PPID: variants seen among roughly 807,000 people sequenced by gnomAD.
The protein encoded by PPID is peptidyl-prolyl cis-trans isomerase D.
PPID carries 47 observed loss-of-function variants against 48.1 expected under a neutral mutation model. The observed-to-expected ratio is 0.98, with a 90% CI of 0.77 to 1.25. The LOEUF is 1.25. PPID is among the 50% of genes most tolerant of loss of function. The pLI, the probability that PPID is intolerant of heterozygous loss-of-function variation, is 0.00. For missense variants in PPID, 429 were observed against 443.5 expected (o/e 0.97, Z 0.29); for synonymous variants, 163 against 148.8 (o/e 1.10, Z -0.69).
intron 1 of PPID, among the ~76,000 whole-genome samples, chr4:158,721,849 T>G (rs1038635464): frequency 6.6e-6 from 1 of 152,242 alleles, no homozygotes; most frequent in South Asian, 2.1e-4. Flanking sequence ...TGTAACATAA[T>G]GTCCTCCATA....
Position 158,717,130 on chromosome 4 carries a change from G to A in PPID, c.404C>T (p.Thr135Ile), listed in dbSNP as rs761099901. Residue 135 changes from threonine to isoleucine, a missense_variant, in exon 4 of 10, where the codon ACA (threonine) becomes ATA (isoleucine). Transcript: ENST00000307720. ...RNTNGSQFFITTVPTPHLDGK... is the reference protein window; with the variant it reads ...RNTNGSQFFIITVPTPHLDGK... The stretch of plus-strand genomic sequence containing the variant: ...ATCCAAATGAGGAGTTGGAACTGTT[G>A]TGATAAAAAACTGAGAACCGTTTGT... 6.2e-7 allele frequency: 1 copy of A among 1,614,038 alleles called. No individual in the cohort carries two copies. Among genetic ancestry groups the A allele is most frequent in the Non-Finnish European group, 8.5e-7 (1 of 1,179,958 alleles).
intron 9 of PPID, 167 bp from the exon 10 acceptor site, chr4:158,709,991 G>T (rs544682984): frequency 5.1e-6 from 3 of 593,480 alleles, no homozygotes; most frequent in African/African-American, 1.9e-5. Context: ...GAAATGAAAC[G>T]TAATTTTAGA....
At position 158,717,013 on chromosome 4, in the gene PPID, T is replaced by G. The variant is rs1414716231; in HGVS notation, c.521A>C (p.Lys174Thr). 6.2e-7 allele frequency: 1 copy of G among 1,609,334 alleles called. No homozygotes were observed. The highest frequency in any genetic ancestry group is 1.3e-5 in the African/African-American group (1 of 74,894). The change falls in exon 4 of 10, where the codon AAA (lysine) becomes ACA (threonine). Residue 174 changes from lysine to threonine, a missense_variant and splice_region_variant. Coordinates refer to ENST00000307720, the MANE Select transcript of PPID (RefSeq NM_005038.3). ...NVEVKGEKPA[K>T]LCVIAECGEL... ...ATTTCACTGTAACTTTTTACTTACT[T>G]TAGCAGGTTTTTCACCTTTCACTTC... is the stretch of plus-strand genomic sequence containing the variant.
chr4:158,719,494 G>A (rs1450027500), intron 2 of PPID, among the ~76,000 whole-genome samples: 1 of 152,142 alleles, frequency 6.6e-6, no homozygotes. Context: ...CCTGATCCCT[G>A]CTAACATTCA....
At chr4:158,710,996 G>T in intron 7 of PPID, 148 bp from the exon 8 acceptor site, 1 of 706,962 alleles carries the variant, frequency 1.4e-6, no homozygotes, top group Non-Finnish European at 2.3e-6. Flanking sequence ...TCTGCCAGTG[G>T]GCACTAAGTT....
At chr4:158,718,415 G>A (rs980609838) in intron 3 of PPID, among the ~76,000 whole-genome samples, 1 of 152,134 alleles carries the variant, frequency 6.6e-6, no homozygotes, top group African/African-American at 2.4e-5. Flanking sequence ...TGTTATACAA[G>A]CAAGGATATT....
At chr4:158,713,043 G>A (rs1774814634) in intron 7 of PPID, 76 bp downstream of exon 7, 1 of 1,423,000 alleles carries the variant, frequency 7.0e-7, no homozygotes. Context: ...ATATATTAAT[G>A]TATATAAAAG....
In PPID at chr4:158,723,326, T is replaced by C. The variant is rs1320848960; in HGVS notation, c.-38A>G. 1 of 1,593,284 alleles carries C rather than the reference T, an allele frequency of 6.3e-7. No individual in the cohort carries two copies. Among genetic ancestry groups the C allele is most frequent in the African/African-American group, 1.3e-5 (1 of 74,244 alleles). ...ACGTGTTTAGTACGGAATATCAGAG[T>C]ACCTAGTGGCCGCCCGGGCCGCCCA... is the stretch of plus-strand genomic sequence containing the variant. On this transcript the variant is annotated 5_prime_UTR_variant, in exon 1 of 10. Transcript: ENST00000307720.
In PPID at chr4:158,723,347, GC is replaced by G. The variant is rs1038876749; in HGVS notation, c.-60del. 1 of 1,522,700 alleles carries G rather than the reference GC, an allele frequency of 6.6e-7. No individual in the cohort carries two copies. Among genetic ancestry groups the G allele is most frequent in the Non-Finnish European group, 9.1e-7 (1 of 1,104,168 alleles). The allele number at this position is 1,522,700 out of a possible 1,614,324, so 94.3% of individuals were successfully genotyped here. A position where few individuals can be genotyped will look rare whatever the true frequency, so the allele number is the denominator to read the frequency against. ...AGAGTACCTAGTGGCCGCCCGGGCC[GC>G]CCAAACTCCAGAGTCCGTCTCCGCC... On this transcript the variant is annotated 5_prime_UTR_variant, in exon 1 of 10. Coordinates refer to ENST00000307720, the MANE Select transcript of PPID (RefSeq NM_005038.3).
At chr4:158,718,321 G>C in intron 3 of PPID, among the ~76,000 whole-genome samples, 1 of 152,148 alleles carries the variant, frequency 6.6e-6, no homozygotes, top group Non-Finnish European at 1.5e-5. Context: ...AGCCCAAGTA[G>C]CCATTCCTCC....
intron 2 of PPID, 152 bp from the exon 3 acceptor site, chr4:158,719,438 A>G (rs749245578): frequency 1.2e-4 from 71 of 597,838 alleles, no homozygotes; most frequent in Non-Finnish European, 1.9e-4. Flanking sequence ...CCGCAACTCC[A>G]AACGCTTCAG....
Position 158,723,275 on chromosome 4 carries a change from G to C in PPID, c.14C>G (p.Ser5Cys). 6.2e-7 allele frequency: 1 copy of C among 1,613,924 alleles called. No individual in the cohort carries two copies. Among genetic ancestry groups the C allele is most frequent in the Admixed American group, 1.7e-5 (1 of 60,026 alleles). MSHP[S>C]PQAKPSNPSN... Reference sequence around the variant, plus strand: ...GGGGTTGGAGGGCTTGGCTTGGGGGGACGGGTGCGACATCTTGACTTGCAG... The same window carrying C: ...GGGGTTGGAGGGCTTGGCTTGGGGGCACGGGTGCGACATCTTGACTTGCAG... Residue 5 changes from serine (S) to cysteine (C), a missense_variant, in exon 1 of 10, where the codon TCC (serine) becomes TGC (cysteine). By Grantham distance (112) the Ser-to-Cys change is moderately radical. Transcript: ENST00000307720.
chr4:158,710,785 A>C lies in PPID; in HGVS notation c.958T>G (p.Leu320Val). 3.7e-6 allele frequency: 6 copies of C among 1,613,900 alleles called. No individual in the cohort carries two copies. Among genetic ancestry groups the C allele is most frequent in the Non-Finnish European group, 5.1e-6 (6 of 1,179,806 alleles). Residue 320 changes from leucine (L) to valine (V), a missense_variant, in exon 8 of 10, where the codon TTA becomes GTA. Coordinates refer to ENST00000307720, the MANE Select transcript of PPID (RefSeq NM_005038.3). ...LYRRAQGWQG[L>V]KEYDQALADL... ...ACCAATGCTTGATCATATTCTTTTA[A>C]TCCTTGCCATCCTTGAGCTCTGCGG...
At position 158,710,810 on chromosome 4, in the gene PPID, G is replaced by A. The variant is rs1774778376; in HGVS notation, c.933C>T (p.Tyr311=). 6.2e-7 allele frequency: 1 copy of A among 1,613,732 alleles called. No individual in the cohort carries two copies. The highest frequency in any genetic ancestry group is 2.2e-5 in the East Asian group (1 of 44,880). ...ELDPSNTKAL[Y]RRAQGWQGLK... ...ATCCTTGCCATCCTTGAGCTCTGCG[G>A]TACAATGCTTTGGTATTTGATGGGT... is the stretch of plus-strand genomic sequence containing the variant. Residue 311 remains tyrosine (Y), a synonymous_variant, in exon 8 of 10, where the codon TAC becomes TAT. Transcript: ENST00000307720.
chr4:158,709,842 A>T lies in PPID; in HGVS notation c.1025-18T>A. On this transcript the variant is annotated intron_variant, in intron 9 of 9. Transcript: ENST00000307720. Reference sequence around the variant, plus strand: ...CTGGATAGCTGTAAAATAAATATGCAATGTGAGTTATTTCTCAAAATATCC... The same window carrying T: ...CTGGATAGCTGTAAAATAAATATGCTATGTGAGTTATTTCTCAAAATATCC... The T allele has an allele frequency of 1.9e-6, 3 of 1,568,194 alleles. No homozygotes were observed. The highest frequency in any genetic ancestry group is 1.8e-6 in the Non-Finnish European group (2 of 1,141,766).
Position 158,717,170 on chromosome 4 carries a change from T to C in PPID, c.364A>G (p.Asn122Asp), listed in dbSNP as rs777295635. Residue 122 changes from asparagine (N) to aspartate (D), a missense_variant, in exon 4 of 10, where the codon AAT becomes GAT. Coordinates refer to ENST00000307720, the MANE Select transcript of PPID (RefSeq NM_005038.3). ...HDREGLLSMA[N>D]AGRNTNGSQF... ...GAACCGTTTGTGTTGCGGCCTGCAT[T>C]TGCCATGCTCAGTAAACCCTCCCGA... The C allele has an allele frequency of 6.2e-7, 1 of 1,614,076 alleles. No homozygotes were observed. The highest frequency in any genetic ancestry group is 8.5e-7 in the Non-Finnish European group (1 of 1,179,984).
Position 158,723,186 on chromosome 4 carries a change from G to A in PPID, c.85+18C>T, listed in dbSNP as rs765408828. ...CCGCCTCCTCGGGGCTTTTCCGCGA[G>A]CGTCAGACTCCGCTCACCTCGCTCC... is the stretch of plus-strand genomic sequence containing the variant. On this transcript the variant is annotated intron_variant, in intron 1 of 9. Transcript: ENST00000307720. 3 of 1,608,282 alleles carry A rather than the reference G, an allele frequency of 1.9e-6. No individual in the cohort carries two copies. Among genetic ancestry groups the A allele is most frequent in the Non-Finnish European group, 1.7e-6 (2 of 1,176,044 alleles).
chr4:158,720,705 G>GAAC (rs1774943569), intron 2 of PPID, among the ~76,000 whole-genome samples: 3 of 1,224 alleles, frequency 2.5e-3, no homozygotes, highest in African/African-American at 3.6e-3. Flanking sequence ...GCATTTTTTT[G>GAAC]TTTGTTTGTT....
intron 1 of PPID, 64 bp downstream of exon 1, chr4:158,723,140 T>A (rs1415730344): frequency 2.0e-6 from 3 of 1,482,278 alleles, no homozygotes; most frequent in South Asian, 2.4e-5. Flanking sequence ...GCCCTTGGAA[T>A]CCCCCAAATC....
Sources: allele counts gnomAD v4.1 joint callset (sites outside exome capture counted in the v4.1 genomes callset), GRCh38; gene constraint gnomAD v4.1.1; transcripts MANE v1.5; gene names NCBI Gene and HGNC (gene_info 2026-07-23, HGNC 2026-07-21).